The following NFIB variants were observed in gnomAD, a reference collection of about 807,000 sequenced individuals.
The protein encoded by NFIB is nuclear factor 1 B-type.
NFIB carries 11 observed loss-of-function variants against 61.5 expected under a neutral mutation model. The observed-to-expected ratio is 0.18, with a 90% CI of 0.11 to 0.30. The LOEUF is 0.30. Among genes scored for constraint, NFIB ranks in the 10% least tolerant of loss-of-function variants. The pLI is 1.00. For synonymous variants in NFIB, 260 were observed against 216.5 expected, an observed-to-expected ratio of 1.20 and a Z score of -1.76; for missense variants, 471 against 608.9, an observed-to-expected ratio of 0.77 and a Z score of 2.38.
At chr9:14,363,366 A>T (rs2061262348) in intron 1 of NFIB, among the ~76,000 whole-genome samples, 1 of 152,098 alleles carries the variant, frequency 6.6e-6, no homozygotes, top group Non-Finnish European at 1.5e-5. Context: ...CTGTGGGCTA[A>T]TTATTACAAT....
At chr9:14,411,613 G>A in the NFIB span, among the ~76,000 whole-genome samples, 4 of 152,204 alleles carry the variant, frequency 2.6e-5, no homozygotes, top group South Asian at 2.1e-4. Context: ...CATGAGCCAC[G>A]GAACAATACC....
chr9:14,326,283 C>A (rs1180879952), intron 1 of NFIB, among the ~76,000 whole-genome samples: 2 of 152,182 alleles, frequency 1.3e-5, no homozygotes, highest in Admixed American at 6.5e-5. Flanking sequence ...CGATACCATT[C>A]CTACAAGACA....
chr9:14,450,529 A>T, the NFIB span, among the ~76,000 whole-genome samples: 1 of 152,158 alleles, frequency 6.6e-6, no homozygotes, highest in South Asian at 2.1e-4. Context: ...CTGTACTTTG[A>T]AAACCTCCCC....
chr9:14,509,090 G>A, the NFIB span, among the ~76,000 whole-genome samples: 1 of 152,276 alleles, frequency 6.6e-6, no homozygotes, highest in Non-Finnish European at 1.5e-5. Flanking sequence ...GTTTCATTCA[G>A]CAAGCGTTTC....
At chr9:14,479,214 A>G in the NFIB span, among the ~76,000 whole-genome samples, 1 of 152,218 alleles carries the variant, frequency 6.6e-6, no homozygotes, top group Admixed American at 6.5e-5. Flanking sequence ...TCACTGAGGA[A>G]AGGCACAGAA....
chr9:14,482,119 A>G, the NFIB span, among the ~76,000 whole-genome samples: 1 of 125,502 alleles, frequency 8.0e-6, no homozygotes, highest in Non-Finnish European at 1.5e-5. Context: ...GCCATGTTCT[A>G]GGAGATCACT....
At chr9:14,412,916 C>G in the NFIB span, among the ~76,000 whole-genome samples, 1 of 152,162 alleles carries the variant, frequency 6.6e-6, no homozygotes. Context: ...GTTACAAATA[C>G]ACTAGGAAGG....
chr9:14,168,491 C>T (rs936554135), intron 3 of NFIB, among the ~76,000 whole-genome samples: 3 of 152,152 alleles, frequency 2.0e-5, no homozygotes, highest in African/African-American at 4.8e-5. Context: ...AAGCAGCACA[C>T]GGCTAACGCT....
At chr9:14,512,551 AT>A in the NFIB span, among the ~76,000 whole-genome samples, 1 of 152,212 alleles carries the variant, frequency 6.6e-6, no homozygotes, top group African/African-American at 2.4e-5. Flanking sequence ...AATGGATTAA[AT>A]AATAGAAGTC....
At chr9:14,348,266 G>C (rs1453796352) in intron 1 of NFIB, among the ~76,000 whole-genome samples, 1 of 151,578 alleles carries the variant, frequency 6.6e-6, no homozygotes, top group Admixed American at 6.6e-5. Context: ...GCTTTGAGGG[G>C]AATTTTCCAA....
chr9:14,172,869 A>G (rs890007338), intron 3 of NFIB, among the ~76,000 whole-genome samples: 1 of 152,006 alleles, frequency 6.6e-6, no homozygotes, highest in Non-Finnish European at 1.5e-5. Flanking sequence ...TCCCAGGTTC[A>G]AGCGATTCTC....
At chr9:14,406,602 C>G in the NFIB span, among the ~76,000 whole-genome samples, 3 of 152,290 alleles carry the variant, frequency 2.0e-5, no homozygotes, top group South Asian at 6.2e-4. Flanking sequence ...GGGGCAGAGA[C>G]AAGCTAGCTG....
chr9:14,131,657 G>A (rs574230861), intron 6 of NFIB, among the ~76,000 whole-genome samples: 1 of 152,304 alleles, frequency 6.6e-6, no homozygotes, highest in South Asian at 2.1e-4. Flanking sequence ...GTGCAGAAAC[G>A]TGTTTACGTC....
chr9:14,505,023 G>A, the NFIB span, among the ~76,000 whole-genome samples: 11 of 152,194 alleles, frequency 7.2e-5, no homozygotes, highest in East Asian at 1.9e-4. Flanking sequence ...CCGATTTTTC[G>A]AGGGTTTTAA....
intron 4 of NFIB, among the ~76,000 whole-genome samples, chr9:14,153,611 T>C (rs541196044): frequency 1.3e-5 from 2 of 152,214 alleles, no homozygotes; most frequent in East Asian, 1.9e-4. Context: ...GGAGATAATA[T>C]CATTCAAAAG....
intron 2 of NFIB, among the ~76,000 whole-genome samples, chr9:14,302,767 C>T (rs35834781): frequency 0.018 from 2,708 of 152,206 alleles, 88 homozygotes; most frequent in East Asian, 0.11. Flanking sequence ...ACCACCACCC[C>T]CTTCCTTTTT....
chr9:14,339,948 G>A (rs1458966027), intron 1 of NFIB, among the ~76,000 whole-genome samples: 1 of 152,152 alleles, frequency 6.6e-6, no homozygotes, highest in Non-Finnish European at 1.5e-5. Flanking sequence ...CTAAGCTTAT[G>A]GGTTTCTAAG....
chr9:14,130,806 G>C (rs1220508853), intron 6 of NFIB, among the ~76,000 whole-genome samples: 1 of 152,154 alleles, frequency 6.6e-6, no homozygotes, highest in Non-Finnish European at 1.5e-5. Context: ...AGTGCAGGAT[G>C]AGAAAAATAA....
At chr9:14,347,858 C>A (rs998460177) in intron 1 of NFIB, among the ~76,000 whole-genome samples, 1 of 152,134 alleles carries the variant, frequency 6.6e-6, no homozygotes, top group Non-Finnish European at 1.5e-5. Flanking sequence ...GCCGAGGGTC[C>A]CAGTATCCCG....
Sources: allele counts gnomAD v4.1 joint callset (sites outside exome capture counted in the v4.1 genomes callset), GRCh38; gene constraint gnomAD v4.1.1; transcripts MANE v1.5; gene names NCBI Gene and HGNC (gene_info 2026-07-23, HGNC 2026-07-21).